Variants in CCT7 observed in about 807,000 individuals in gnomAD.
The protein encoded by CCT7 is T-complex protein 1 subunit eta.
Under a neutral mutation model 56.6 loss-of-function variants are expected in CCT7, and 16 were observed. That is an observed-to-expected ratio of 0.28 (90% CI 0.19 to 0.43). The LOEUF is 0.43. CCT7 is among the 20% of genes least tolerant of loss of function. The pLI, the probability that CCT7 is intolerant of heterozygous loss-of-function variation, is 1.00. For synonymous variants in CCT7, 262 were observed against 254.8 expected, an observed-to-expected ratio of 1.03 and a Z score of -0.27; for missense variants, 519 against 685.6, an observed-to-expected ratio of 0.76 and a Z score of 2.71.
intron 6 of CCT7, 96 bp downstream of exon 6, chr2:73,244,811 G>A (rs1227110857): frequency 3.4e-6 from 3 of 891,940 alleles, no homozygotes; most frequent in East Asian, 2.7e-5. Flanking sequence ...CAGGAATAAA[G>A]AGAATGCATG....
At chr2:73,239,355 T>C (rs1353146491) in intron 1 of CCT7, 2 of 302,662 alleles carry the variant, frequency 6.6e-6, no homozygotes, top group Non-Finnish European at 1.2e-5. Context: ...AAGGCCATGG[T>C]CATTCAGCTG....
chr2:73,243,572 G>A (rs1255619632), intron 4 of CCT7, among the ~76,000 whole-genome samples: 1 of 151,366 alleles, frequency 6.6e-6, no homozygotes, highest in East Asian at 1.9e-4. Context: ...TATATGAGGA[G>A]TACTTTGGAA....
rs942797801 is a variant in CCT7, at chr2:73,250,001, A to G, written c.1070+85A>G. On this transcript the variant is annotated intron_variant, in intron 9 of 11. Transcript: ENST00000258091. ...TTTGGCTGTGGTATACAGCTTTTAC[A>G]AAGTCTCACCTTTGTGTACAAAGTG... 1.6e-5 allele frequency: 15 copies of G among 956,556 alleles called. No homozygotes were observed. The African/African-American group carries it at 1.9e-4, about 12-fold the overall frequency. The allele number at this position is 956,556 out of a possible 1,614,324, so 59.3% of individuals were successfully genotyped here.
intron 2 of CCT7, 198 bp from the exon 3 acceptor site, chr2:73,240,239 G>C: frequency 2.5e-6 from 1 of 406,366 alleles, no homozygotes; most frequent in Non-Finnish European, 4.4e-6. Flanking sequence ...GGGAGTCTGT[G>C]GTCTGCAAAA....
intron 2 of CCT7, chr2:73,240,167 TTTATTTAAAAAA>T: frequency 1.2e-5 from 4 of 335,048 alleles, no homozygotes; most frequent in Non-Finnish European, 2.1e-5. Flanking sequence ...AGTGGTTACT[TTTATTTAAAAAA>T]TCTTTTCTGT....
chr2:73,239,672 G>A lies in CCT7; in HGVS notation c.36G>A (p.Gly12=), dbSNP rs376583908. The change falls in exon 2 of 12, where the codon GGG becomes GGA. Residue 12 remains glycine (G), a synonymous_variant. Coordinates refer to ENST00000258091, the MANE Select transcript of CCT7 (RefSeq NM_006429.4). ...MPTPVILLKE[G]TDSSQGIPQL... ...CACCAGTTATCCTATTGAAAGAGGG[G>A]ACTGATAGCTCCCAAGGCATCCCCC... 8.7e-6 allele frequency: 14 copies of A among 1,613,806 alleles called. No homozygotes were observed. The African/African-American group carries it at 1.5e-4, about 17-fold the overall frequency.
intron 7 of CCT7, among the ~76,000 whole-genome samples, chr2:73,248,515 T>C (rs1292645016): frequency 1.3e-5 from 2 of 152,220 alleles, no homozygotes; most frequent in Middle Eastern, 3.4e-3. Context: ...CATGCCCAGC[T>C]AATTTTTTTT....
At chr2:73,250,473 A>T (rs1553379688) in intron 10 of CCT7, 35 bp downstream of exon 10, 1 of 1,609,714 alleles carries the variant, frequency 6.2e-7, no homozygotes, top group Admixed American at 1.7e-5. Flanking sequence ...TGCACAGCCT[A>T]CTCTCTCCTA....
intron 1 of CCT7, among the ~76,000 whole-genome samples, chr2:73,238,360 C>T (rs1458948429): frequency 2.0e-5 from 3 of 152,242 alleles, no homozygotes; most frequent in Non-Finnish European, 2.9e-5. Flanking sequence ...CTTCCTCTTG[C>T]TTACTACCCT....
At position 73,234,318 on chromosome 2, in the gene CCT7, G is replaced by A; in HGVS notation, c.-61G>A. On this transcript the variant is annotated 5_prime_UTR_variant, in exon 1 of 12. Transcript: ENST00000258091. ...TCTATTGCGCGAGGCATTGTGGGTTGCTGGGCGGCCCGGTCTCGGAGAAGA... is the reference window on the plus strand; with the variant it reads ...TCTATTGCGCGAGGCATTGTGGGTTACTGGGCGGCCCGGTCTCGGAGAAGA... The A allele has an allele frequency of 6.2e-7, 1 of 1,608,786 alleles. No homozygotes were observed. Among genetic ancestry groups the A allele is most frequent in the African/African-American group, 1.3e-5 (1 of 75,008 alleles).
intron 3 of CCT7, among the ~76,000 whole-genome samples, chr2:73,241,127 C>CT (rs766056704): frequency 2.0e-5 from 3 of 150,044 alleles, no homozygotes; most frequent in Non-Finnish European, 4.4e-5. Context: ...ATTAACCAGT[C>CT]TATCTTTTAA....
intron 1 of CCT7, 102 bp downstream of exon 1, chr2:73,234,486 G>A (rs1574349166): frequency 1.5e-6 from 2 of 1,351,952 alleles, no homozygotes; most frequent in Non-Finnish European, 2.1e-6. Context: ...TTTGCTTGCC[G>A]CCTCTGTCCT....
At chr2:73,246,200 T>C (rs1196450115) in intron 6 of CCT7, among the ~76,000 whole-genome samples, 1 of 152,246 alleles carries the variant, frequency 6.6e-6, no homozygotes, top group Non-Finnish European at 1.5e-5. Context: ...TTCTGATCCA[T>C]ATCTTTAGTA....
At chr2:73,250,569 G>C (rs919240932) in intron 10 of CCT7, 131 bp downstream of exon 10, 20 of 1,004,534 alleles carry the variant, frequency 2.0e-5, no homozygotes, top group Non-Finnish European at 2.8e-5. Flanking sequence ...GGTGAGCCCT[G>C]ATTTGCCCCA....
intron 1 of CCT7, chr2:73,235,464 A>G (rs904740462): frequency 4.0e-6 from 3 of 749,788 alleles, no homozygotes; most frequent in Non-Finnish European, 5.0e-6. Flanking sequence ...TAGGTGTTCT[A>G]CCAAATGCCC....
At chr2:73,240,271 G>A in intron 2 of CCT7, 166 bp from the exon 3 acceptor site, 1 of 452,908 alleles carries the variant, frequency 2.2e-6, no homozygotes, top group Admixed American at 3.9e-5. Context: ...TAGACCCTTT[G>A]TGTACAGAGC....
At chr2:73,245,040 G>T (rs1423995214) in intron 6 of CCT7, among the ~76,000 whole-genome samples, 1 of 152,164 alleles carries the variant, frequency 6.6e-6, no homozygotes, top group Non-Finnish European at 1.5e-5. Context: ...ATCTGAGAGG[G>T]ATTTTTCAGT....
rs200577374 is a variant in CCT7 at position 73,248,962 on chromosome 2, C to T, written c.784-29C>T. ...GTATATGTCAACCTTCACCCCAAAG[C>T]ATTCTCATCCTTTTCTGGGTCTCTC... On this transcript the variant is annotated intron_variant, in intron 7 of 11. Transcript: ENST00000258091. 1.0e-5 allele frequency: 16 copies of T among 1,584,508 alleles called. No individual in the cohort carries two copies. In the Admixed American group the frequency reaches 2.2e-4, roughly 22 times the overall value.
chr2:73,252,843 T>TCGTGGC lies in CCT7; in HGVS notation c.1617_1622dup (p.Gly540_Arg541dup), dbSNP rs772453843. On this transcript the variant is annotated inframe_insertion, in exon 12 of 12. Transcript: ENST00000258091. ...CCACAGCAGCAGGCCGGGGCCGTGG[T>TCGTGGC]CGTGGCCGCCCCCACTGAGAGGCAC... 1 of 1,613,560 alleles carries TCGTGGC rather than the reference T, an allele frequency of 6.2e-7. No homozygotes were observed. Among genetic ancestry groups the TCGTGGC allele is most frequent in the Admixed American group, 1.7e-5 (1 of 59,986 alleles).
Sources: allele counts gnomAD v4.1 joint callset (sites outside exome capture counted in the v4.1 genomes callset), GRCh38; gene constraint gnomAD v4.1.1; transcripts MANE v1.5; gene names NCBI Gene and HGNC (gene_info 2026-07-23, HGNC 2026-07-21).